RAC2: variants seen among roughly 807,000 people sequenced by gnomAD.
RAC2 encodes the protein Rac family small GTPase 2.
In RAC2, 1 loss-of-function variant was observed where a neutral mutation model predicts 24.0. The observed-to-expected ratio is 0.04, with a 90% CI of 0.01 to 0.20. The LOEUF (loss-of-function observed/expected upper bound fraction) is 0.20, where lower values mean the gene tolerates loss of function less well. RAC2 is among the 10% of genes least tolerant of loss of function. The pLI, the probability that RAC2 is intolerant of heterozygous loss-of-function variation, is 1.00. For synonymous variants in RAC2, 114 were observed against 106.8 expected (o/e 1.07, Z -0.41); for missense variants, 130 against 259.1 (o/e 0.50, Z 3.42).
At chr22:37,242,450 G>A (rs543965278) in intron 1 of RAC2, among the ~76,000 whole-genome samples, 34 of 152,302 alleles carry the variant, frequency 2.2e-4, no homozygotes, top group Admixed American at 1.2e-3. Flanking sequence ...GTGATAACGC[G>A]CGCCTCCTCC....
Position 37,231,507 on chromosome 22 carries a change from A to T in RAC2, c.289-117T>A. The T allele has an allele frequency of 1.0e-6, 1 of 980,356 alleles. No homozygotes were observed. Among genetic ancestry groups the T allele is most frequent in the Admixed American group, 2.0e-5 (1 of 50,664 alleles). 60.7% of individuals were successfully genotyped at this position (980,356 alleles called of 1,614,324 possible). A position where few individuals can be genotyped will look rare whatever the true frequency, so the allele number is the denominator to read the frequency against. On this transcript the variant is annotated intron_variant, in intron 4 of 6. Transcript: ENST00000249071. This position sits in a 1 kb window ranked among gnomAD's most constrained non-coding sequence, Gnocchi z 5.5. The stretch of plus-strand genomic sequence containing the variant: ...AGAGGAGAGGCAGCAAGTTGCCAGA[A>T]GATCAGAGGTGGGCACGACGGTGAG...
At chr22:37,233,213 A>C (rs1927125052) in intron 2 of RAC2, among the ~76,000 whole-genome samples, 1 of 152,110 alleles carries the variant, frequency 6.6e-6, no homozygotes, top group Non-Finnish European at 1.5e-5. Context: ...TTTTCCTCCC[A>C]GTCTTGATGA....
intron 2 of RAC2, chr22:37,241,176 G>A: frequency 1.3e-6 from 1 of 778,130 alleles, no homozygotes; most frequent in East Asian, 2.4e-5. Context: ...CCTGCAGACA[G>A]CTCTGTTCCA....
rs796626511 is a variant in RAC2 at position 37,231,827 on chromosome 22, G to A, written c.288+105C>T. The A allele has an allele frequency of 1.5e-6, 2 of 1,342,208 alleles. No homozygotes were observed. The highest frequency in any genetic ancestry group is 1.0e-6 in the Non-Finnish European group (1 of 962,840). The allele number at this position is 1,342,208 out of a possible 1,614,324, so 83.1% of individuals were successfully genotyped here. ...TTGGCACTGGGGACCCTCTCTGTAT[G>A]CGACCTCTGCTGCCCCAGGGACCAG... is the stretch of plus-strand genomic sequence containing the variant. On this transcript the variant is annotated intron_variant, in intron 4 of 6. Transcript: ENST00000249071. This position sits in a 1 kb window ranked among gnomAD's most constrained non-coding sequence, Gnocchi z 5.5.
At chr22:37,233,222 G>A (rs1226193687) in intron 2 of RAC2, among the ~76,000 whole-genome samples, 1 of 152,152 alleles carries the variant, frequency 6.6e-6, no homozygotes, top group African/African-American at 2.4e-5. Context: ...CAGTCTTGAT[G>A]AGAATAAACT....
chr22:37,228,927 T>C, intron 5 of RAC2, among the ~76,000 whole-genome samples: 1 of 152,158 alleles, frequency 6.6e-6, no homozygotes, highest in Non-Finnish European at 1.5e-5. Flanking sequence ...GTGGTTGTCA[T>C]GGGGCTTGGC....
chr22:37,235,114 C>T (rs1448776851), intron 2 of RAC2, among the ~76,000 whole-genome samples: 1 of 152,176 alleles, frequency 6.6e-6, no homozygotes, highest in African/African-American at 2.4e-5. Context: ...TCCAGGAAGT[C>T]CTCAGAGAAC....
At chr22:37,238,305 C>T (rs374881253) in intron 2 of RAC2, among the ~76,000 whole-genome samples, 4 of 152,064 alleles carry the variant, frequency 2.6e-5, no homozygotes, top group African/African-American at 9.7e-5. Context: ...AGCACAATCA[C>T]AGCTCAATGC....
In RAC2 at chr22:37,231,918, C is replaced by A. The variant is rs1341280397; in HGVS notation, c.288+14G>T. On this transcript the variant is annotated intron_variant, in intron 4 of 6. Coordinates refer to ENST00000249071, the MANE Select transcript of RAC2 (RefSeq NM_002872.5). This position sits in a 1 kb window ranked among gnomAD's most constrained non-coding sequence, Gnocchi z 5.5. ...CTGCCCCAGAGCCCCCAAGGCCCAC[C>A]CTGTCCAGCTCACCTTGGCGCGGAC... 9 of 1,551,488 alleles carry A rather than the reference C, an allele frequency of 5.8e-6. No homozygotes were observed. The highest frequency in any genetic ancestry group is 7.0e-6 in the Non-Finnish European group (8 of 1,146,990).
chr22:37,244,157 G>C lies in RAC2; in HGVS notation c.-9C>G, dbSNP rs370821323. ...CACTTGATGGCCTGCATCGTGTCCG[G>C]AGCCTGGAGAGTGTCGGTGGTGACA... On this transcript the variant is annotated 5_prime_UTR_variant, in exon 1 of 7. Transcript: ENST00000249071. 1 of 1,614,066 alleles carries C rather than the reference G, an allele frequency of 6.2e-7. No individual in the cohort carries two copies. The highest frequency in any genetic ancestry group is 8.5e-7 in the Non-Finnish European group (1 of 1,179,982).
At chr22:37,233,821 C>A (rs554672786) in intron 2 of RAC2, among the ~76,000 whole-genome samples, 7 of 152,238 alleles carry the variant, frequency 4.6e-5, no homozygotes, top group Admixed American at 3.9e-4. Flanking sequence ...GGAGACAGAA[C>A]GGACCGTGCT....
At position 37,232,793 on chromosome 22, in the gene RAC2, C is replaced by T; in HGVS notation, c.225+8G>A. 6.2e-7 allele frequency: 1 copy of T among 1,605,682 alleles called. No individual in the cohort carries two copies. The highest frequency in any genetic ancestry group is 8.5e-7 in the Non-Finnish European group (1 of 1,172,824). On this transcript the variant is annotated splice_region_variant and intron_variant, in intron 3 of 6. Transcript: ENST00000249071. Reference sequence around the variant, plus strand: ...GTCAGGACTGCAAGGCAGGTGGGAGCAGCACACCGTCTGTGGATAGGAGAG... The same window carrying T: ...GTCAGGACTGCAAGGCAGGTGGGAGTAGCACACCGTCTGTGGATAGGAGAG...
At chr22:37,229,414 G>T (rs1226962150) in intron 5 of RAC2, among the ~76,000 whole-genome samples, 2 of 152,186 alleles carry the variant, frequency 1.3e-5, no homozygotes, top group Admixed American at 1.3e-4. Flanking sequence ...CCAGCAACAT[G>T]TCCCCCCGAG....
At chr22:37,232,651 C>G in intron 3 of RAC2, 150 bp downstream of exon 3, 1 of 689,526 alleles carries the variant, frequency 1.5e-6, no homozygotes, top group Admixed American at 2.1e-5. Flanking sequence ...CCCTTCTCTG[C>G]CTGGGACATG....
intron 2 of RAC2, chr22:37,240,953 G>A: frequency 1.4e-6 from 1 of 705,892 alleles, no homozygotes; most frequent in South Asian, 1.5e-5. Context: ...GGCCAGGTGG[G>A]AGGTTGAGTG....
chr22:37,231,160 C>T lies in RAC2; in HGVS notation c.448+71G>A. 6.3e-7 allele frequency: 1 copy of T among 1,575,064 alleles called. No individual in the cohort carries two copies. Among genetic ancestry groups the T allele is most frequent in the South Asian group, 1.1e-5 (1 of 90,218 alleles). ...AGCCTGGCCCTGCAGCCCGTGTTTACAATCACACCACGAGGCCAAGTCAGG... is the reference window on the plus strand; with the variant it reads ...AGCCTGGCCCTGCAGCCCGTGTTTATAATCACACCACGAGGCCAAGTCAGG... On this transcript the variant is annotated intron_variant, in intron 5 of 6. Coordinates refer to ENST00000249071, the MANE Select transcript of RAC2 (RefSeq NM_002872.5). The surrounding 1 kb of genome is among the most constrained non-coding windows in gnomAD (Gnocchi z 5.5).
intron 3 of RAC2, chr22:37,232,460 CT>C (rs1334556922): frequency 2.3e-6 from 1 of 444,102 alleles, no homozygotes; most frequent in African/African-American, 2.0e-5. Flanking sequence ...TCCTCCACCT[CT>C]CCCCTCCCCC....
rs2145822521 is a variant in RAC2 at position 37,229,999 on chromosome 22, C to T, written c.448+1232G>A. On this transcript the variant is annotated intron_variant, in intron 5 of 6. Transcript: ENST00000249071. Reference sequence around the variant, plus strand: ...AGCTGCACCCTGAATAGAAGGAGTCCAGGGGCAGGGGTTGGAGGGGTGCTG... The same window carrying T: ...AGCTGCACCCTGAATAGAAGGAGTCTAGGGGCAGGGGTTGGAGGGGTGCTG... 2.6e-5 allele frequency among the ~76,000 whole-genome samples: 4 copies of T among 152,210 alleles called. No individual in the cohort carries two copies. In the Middle Eastern group the frequency reaches 0.014, roughly 518 times the overall value.
At chr22:37,239,265 A>G (rs989902088) in intron 2 of RAC2, among the ~76,000 whole-genome samples, 2 of 152,192 alleles carry the variant, frequency 1.3e-5, no homozygotes, top group African/African-American at 4.8e-5. Flanking sequence ...GCAAAATGGA[A>G]GTACAGGGCC....
Sources: allele counts gnomAD v4.1 joint callset (sites outside exome capture counted in the v4.1 genomes callset), GRCh38; gene constraint gnomAD v4.1.1; non-coding constraint Gnocchi (gnomAD v3.1); transcripts MANE v1.5; gene names NCBI Gene and HGNC (gene_info 2026-07-23, HGNC 2026-07-21).